CFAP97: variants seen among roughly 807,000 people sequenced by gnomAD.
CFAP97 encodes cilia and flagella associated protein 97, also known as cilia- and flagella-associated protein 97.
Under a neutral mutation model 43.1 loss-of-function variants are expected in CFAP97, and 36 were observed. The observed-to-expected ratio is 0.84, with a 90% CI of 0.64 to 1.10. The LOEUF (loss-of-function observed/expected upper bound fraction) is 1.10, where lower values mean the gene tolerates loss of function less well. CFAP97 is among the 50% of genes least tolerant of loss of function. The pLI is 0.00. For missense variants in CFAP97, 657 were observed against 620.3 expected, an observed-to-expected ratio of 1.06 and a Z score of -0.63; for synonymous variants, 228 against 225.7, an observed-to-expected ratio of 1.01 and a Z score of -0.09.
chr4:185,169,749 A>G (rs1735220578), intron 3 of CFAP97: 1 of 985,320 alleles, frequency 1.0e-6, no homozygotes, highest in Non-Finnish European at 1.2e-6. Context: ...CCTTGTAAGG[A>G]CACTAAAAAG....
intron 2 of CFAP97, among the ~76,000 whole-genome samples, chr4:185,186,849 A>G (rs1736024394): frequency 6.6e-6 from 1 of 152,242 alleles, no homozygotes; most frequent in African/African-American, 2.4e-5. Flanking sequence ...AATCCTCAAT[A>G]ACTTTTATGA....
chr4:185,162,900 C>A lies in CFAP97; in HGVS notation c.1497G>T (p.Thr499=), dbSNP rs372535407. ...GCTCACTCCTACAACTGAGACCACT[C>A]GTAGCACTGGATGTCCTGGAAGCTC... is the stretch of plus-strand genomic sequence containing the variant. ...PLRASRTSSA[T]SGLSCRSERS... The change falls in exon 5 of 5, where the codon ACG becomes ACT. Residue 499 remains threonine, a synonymous_variant. Transcript: ENST00000458385. The A allele has an allele frequency of 6.3e-7, 1 of 1,589,092 alleles. No individual in the cohort carries two copies. Among genetic ancestry groups the A allele is most frequent in the East Asian group, 2.2e-5 (1 of 44,464 alleles).
At chr4:185,208,369 C>A (rs1220017551), upstream of CFAP97, among the ~76,000 whole-genome samples, 1 of 152,072 alleles carries the variant, frequency 6.6e-6, no homozygotes, top group African/African-American at 2.4e-5. Context: ...TTTGATCATC[C>A]CCTTGGCATG....
chr4:185,170,137 C>T, intron 3 of CFAP97: 1 of 906,102 alleles, frequency 1.1e-6, no homozygotes, highest in Non-Finnish European at 1.5e-6. Flanking sequence ...CACTTGAGGT[C>T]AGGAGTTTGA....
intron 2 of CFAP97, among the ~76,000 whole-genome samples, chr4:185,182,894 G>A (rs928563605): frequency 6.6e-6 from 1 of 152,078 alleles, no homozygotes; most frequent in Non-Finnish European, 1.5e-5. Flanking sequence ...GAGGTCAGGA[G>A]TTCACGACCA....
chr4:185,183,866 T>C (rs1735901296), intron 2 of CFAP97, among the ~76,000 whole-genome samples: 2 of 152,248 alleles, frequency 1.3e-5, no homozygotes, highest in African/African-American at 2.4e-5. Context: ...TGCAGTACTA[T>C]GAATAAAGCT....
At chr4:185,197,939 C>T (rs901124559) in intron 1 of CFAP97, among the ~76,000 whole-genome samples, 21 of 152,156 alleles carry the variant, frequency 1.4e-4, no homozygotes, top group African/African-American at 5.1e-4. Context: ...CTTCAGCGAA[C>T]ATGGGAATAA....
intron 3 of CFAP97, 36 bp downstream of exon 3, chr4:185,175,750 C>T (rs1735491322): frequency 6.3e-7 from 1 of 1,592,484 alleles, no homozygotes; most frequent in South Asian, 1.1e-5. Context: ...AGTGCAAACA[C>T]ATTTTCTTTG....
At chr4:185,182,689 C>T (rs1404886068) in intron 2 of CFAP97, among the ~76,000 whole-genome samples, 1 of 152,204 alleles carries the variant, frequency 6.6e-6, no homozygotes, top group African/African-American at 2.4e-5. Flanking sequence ...CTGTCTTTAC[C>T]TTGGTTCAAC....
intron 1 of CFAP97, among the ~76,000 whole-genome samples, chr4:185,194,391 A>C (rs1736445389): frequency 6.6e-6 from 1 of 152,204 alleles, no homozygotes; most frequent in African/African-American, 2.4e-5. Context: ...AGGGAGGCTG[A>C]GGCAGGAGGA....
intron 1 of CFAP97, among the ~76,000 whole-genome samples, chr4:185,201,010 A>C (rs780391204): frequency 5.3e-5 from 8 of 152,034 alleles, no homozygotes; most frequent in Non-Finnish European, 8.8e-5. Context: ...GTTTGAGAAG[A>C]CTGACTATGT....
chr4:185,165,641 T>C (rs957057694), intron 3 of CFAP97, among the ~76,000 whole-genome samples: 3 of 152,216 alleles, frequency 2.0e-5, no homozygotes, highest in Non-Finnish European at 2.9e-5. Context: ...AAAATCAGAC[T>C]CATGAATTCA....
At chr4:185,207,010 C>T (rs561176175), upstream of CFAP97, among the ~76,000 whole-genome samples, 2 of 152,236 alleles carry the variant, frequency 1.3e-5, no homozygotes, top group South Asian at 4.1e-4. Flanking sequence ...ATCCCAGCTT[C>T]AGGGCACAGA....
upstream of CFAP97, among the ~76,000 whole-genome samples, chr4:185,205,368 C>G (rs528974857): frequency 6.6e-5 from 10 of 151,964 alleles, no homozygotes; most frequent in South Asian, 2.1e-3. Context: ...ACAGGAGAAT[C>G]GCTTGAACTC....
intron 4 of CFAP97, among the ~76,000 whole-genome samples, chr4:185,163,763 G>C (rs763862467): frequency 7.7e-4 from 117 of 152,078 alleles, no homozygotes; most frequent in Admixed American, 1.5e-3. Flanking sequence ...AATAAACTTT[G>C]AAATTAACAG....
At chr4:185,191,701 G>A (rs1380987578) in intron 1 of CFAP97, among the ~76,000 whole-genome samples, 3 of 152,086 alleles carry the variant, frequency 2.0e-5, no homozygotes, top group Admixed American at 1.3e-4. Context: ...GTGATGGCAC[G>A]TGCCTGTAGT....
chr4:185,197,553 G>A (rs539400691), intron 1 of CFAP97, among the ~76,000 whole-genome samples: 21 of 151,634 alleles, frequency 1.4e-4, no homozygotes, highest in East Asian at 3.9e-4. Flanking sequence ...TCAGCCTCCC[G>A]AGTAGCTGGA....
chr4:185,191,886 T>C (rs961512745), intron 1 of CFAP97, among the ~76,000 whole-genome samples: 3 of 151,886 alleles, frequency 2.0e-5, no homozygotes, highest in Non-Finnish European at 4.4e-5. Flanking sequence ...TTAAGTACAA[T>C]TAGAGTTTAG....
intron 1 of CFAP97, among the ~76,000 whole-genome samples, chr4:185,198,844 C>A (rs1736683723): frequency 1.3e-5 from 2 of 151,650 alleles, no homozygotes; most frequent in South Asian, 4.2e-4. Flanking sequence ...GGAGAAGCTG[C>A]AGAAGATCTA....
Sources: gnomAD v4.1 joint callset for allele counts (sites outside exome capture counted in the v4.1 genomes callset) on GRCh38, gnomAD v4.1.1 for gene constraint, MANE v1.5 for transcripts, NCBI Gene and HGNC (gene_info 2026-07-23, HGNC 2026-07-21) for gene names.